Variants in HIGD2B observed in about 807,000 individuals in gnomAD.
The protein encoded by HIGD2B is HIG1 domain family member 2B.
For missense variants in HIGD2B, 106 were observed against 67.0 expected, an observed-to-expected ratio of 1.58 and a Z score of -2.03; for synonymous variants, 45 against 28.1, an observed-to-expected ratio of 1.60 and a Z score of -1.90.
chr15:72,678,169 A>G (rs1203354048), intron 2 of HIGD2B, among the ~76,000 whole-genome samples: 1 of 152,264 alleles, frequency 6.6e-6, no homozygotes, highest in African/African-American at 2.4e-5. Flanking sequence ...ATCAGAGTCC[A>G]ATAGTCACAT....
At chr15:72,685,772 G>C (rs1460480685) in intron 1 of HIGD2B, 46 bp downstream of exon 1, 3 of 271,502 alleles carry the variant, frequency 1.1e-5, no homozygotes, top group Non-Finnish European at 2.2e-5. Context: ...GATAAGGTGA[G>C]TACCTCAGTT....
In HIGD2B at chr15:72,680,116, GT is replaced by G; in HGVS notation, c.-116del. 3.5e-6 allele frequency: 1 copy of G among 282,452 alleles called. No homozygotes were observed. The allele number at this position is 282,452 out of a possible 1,614,324, so 17.5% of individuals were successfully genotyped here. A position where few individuals can be genotyped will look rare whatever the true frequency, so the allele number is the denominator to read the frequency against. Reference sequence around the variant, plus strand: ...TGGGCAAAATAGTCCATCAACCAAAGTTTAGGTTTTCTGATCTTCTTCCCAT... The same window carrying G: ...TGGGCAAAATAGTCCATCAACCAAAGTTAGGTTTTCTGATCTTCTTCCCAT... On this transcript the variant is annotated 5_prime_UTR_variant, in exon 2 of 3. It removes the in-frame stop codon of an upstream open reading frame in the 5' UTR. Transcript: ENST00000311755.
chr15:72,678,176 A>C (rs1260780295), intron 2 of HIGD2B, among the ~76,000 whole-genome samples: 1 of 152,260 alleles, frequency 6.6e-6, no homozygotes, highest in Non-Finnish European at 1.5e-5. Flanking sequence ...TCCAATAGTC[A>C]CATATTACAC....
intron 1 of HIGD2B, among the ~76,000 whole-genome samples, chr15:72,683,907 T>A (rs1387868355): frequency 2.0e-5 from 3 of 151,890 alleles, no homozygotes; most frequent in Admixed American, 2.0e-4. Context: ...TCTTTTTTTT[T>A]TTTTTTGAGA....
Position 72,685,890 on chromosome 15 carries a change from G to A in HIGD2B, c.-265C>T. On this transcript the variant is annotated 5_prime_UTR_variant, in exon 1 of 3. Coordinates refer to ENST00000311755, the MANE Select transcript of HIGD2B (RefSeq NM_001350932.3). ...TGAATTAAATGCAGATTAGAGTCAG[G>A]GCAGGGTAAGGTGGCGGGAGAACTA... The A allele has an allele frequency of 2.1e-6, 1 of 475,262 alleles. No homozygotes were observed. 29.4% of individuals were successfully genotyped at this position (475,262 alleles called of 1,614,324 possible).
At chr15:72,676,470 C>A (rs1023252903) in intron 2 of HIGD2B, 83 bp from the exon 3 acceptor site, 8 of 605,414 alleles carry the variant, frequency 1.3e-5, no homozygotes, top group South Asian at 1.0e-4. Flanking sequence ...AGTGGTGCAA[C>A]CTTGGCTCAC....
chr15:72,679,020 G>T (rs1379366641), intron 2 of HIGD2B, among the ~76,000 whole-genome samples: 1 of 104,764 alleles, frequency 9.5e-6, no homozygotes, highest in Non-Finnish European at 2.3e-5. Context: ...AGAAAAGAAA[G>T]AAAAAGAAAA....
intron 1 of HIGD2B, among the ~76,000 whole-genome samples, chr15:72,681,697 C>A (rs1489916935): frequency 6.6e-6 from 1 of 151,066 alleles, no homozygotes; most frequent in Non-Finnish European, 1.5e-5. Context: ...ACCTCCACCT[C>A]CCGGGTTCAA....
intron 2 of HIGD2B, among the ~76,000 whole-genome samples, chr15:72,676,799 G>A (rs1228467112): frequency 6.6e-6 from 1 of 152,166 alleles, no homozygotes; most frequent in Non-Finnish European, 1.5e-5. Context: ...TGGCTGCAGG[G>A]GTTAGGAATG....
intron 1 of HIGD2B, among the ~76,000 whole-genome samples, chr15:72,682,104 C>T (rs1157879075): frequency 2.0e-5 from 3 of 152,122 alleles, no homozygotes; most frequent in Non-Finnish European, 2.9e-5. Context: ...AAATACTCTT[C>T]TTATAAATCT....
chr15:72,681,281 G>C (rs1251556482), intron 1 of HIGD2B, among the ~76,000 whole-genome samples: 1 of 152,084 alleles, frequency 6.6e-6, no homozygotes, highest in African/African-American at 2.4e-5. Context: ...TAAATAAGAG[G>C]CTCCTTTTCC....
At chr15:72,685,232 G>A (rs556157867) in intron 1 of HIGD2B, among the ~76,000 whole-genome samples, 2 of 152,286 alleles carry the variant, frequency 1.3e-5, no homozygotes, top group Non-Finnish European at 2.9e-5. Context: ...GAGGCCTGGA[G>A]AAACTTGTCT....
intron 2 of HIGD2B, among the ~76,000 whole-genome samples, chr15:72,679,813 C>G (rs1261101549): frequency 1.3e-5 from 2 of 152,084 alleles, no homozygotes; most frequent in Admixed American, 1.3e-4. Context: ...TCAGAAATTT[C>G]AGAGTATAGG....
intron 1 of HIGD2B, among the ~76,000 whole-genome samples, chr15:72,685,175 G>C (rs951292052): frequency 6.6e-6 from 1 of 152,112 alleles, no homozygotes; most frequent in African/African-American, 2.4e-5. Context: ...TACCGTACTT[G>C]TTTCTTCTAT....
chr15:72,680,328 CT>C (rs2064735841), intron 1 of HIGD2B, 135 bp from the exon 2 acceptor site: 1 of 152,296 alleles, frequency 6.6e-6, no homozygotes, highest in Non-Finnish European at 1.5e-5. Flanking sequence ...AACAGATATC[CT>C]ACACATATCT....
intron 1 of HIGD2B, among the ~76,000 whole-genome samples, chr15:72,683,846 C>CA (rs1005865245): frequency 6.0e-5 from 9 of 150,008 alleles, no homozygotes; most frequent in African/African-American, 2.0e-4. Context: ...GTCCCAAAAA[C>CA]AAAAAAACTA....
Position 72,681,291 on chromosome 15 carries a change from C to G in HIGD2B, c.-192-1098G>C, listed in dbSNP as rs1192258886. Among the ~76,000 whole-genome samples the G allele has an allele frequency of 2.0e-5, 3 of 152,090 alleles. No homozygotes were observed. In the East Asian group the frequency reaches 5.8e-4, roughly 29 times the overall value. ...GAGAATAAATAAGAGGCTCCTTTTCCAGAAAATCCAGTATTGGTTTTCCTC... is the reference window on the plus strand; with the variant it reads ...GAGAATAAATAAGAGGCTCCTTTTCGAGAAAATCCAGTATTGGTTTTCCTC... On this transcript the variant is annotated intron_variant, in intron 1 of 2. Transcript: ENST00000311755.
chr15:72,682,575 C>A lies in HIGD2B; in HGVS notation c.-192-2382G>T, dbSNP rs368947932. Among the ~76,000 whole-genome samples the A allele has an allele frequency of 1.1e-4, 17 of 152,208 alleles. No individual in the cohort carries two copies. The East Asian group carries it at 2.1e-3, about 19-fold the overall frequency. On this transcript the variant is annotated intron_variant, in intron 1 of 2. Transcript: ENST00000311755. ...ACAATTAGCCAGGTGTGGTGGCTGA[C>A]GCTTGTAATCCCAGCTACTTGGGAG...
chr15:72,682,682 C>T (rs768768480), intron 1 of HIGD2B: 11 of 154,152 alleles, frequency 7.1e-5, no homozygotes, highest in East Asian at 1.9e-4. Context: ...GGTGATAGAG[C>T]GAGACTCTGT....
Sources: gnomAD v4.1 joint callset for allele counts (sites outside exome capture counted in the v4.1 genomes callset) on GRCh38, gnomAD v4.1.1 for gene constraint, MANE v1.5 for transcripts, NCBI Gene and HGNC (gene_info 2026-07-23, HGNC 2026-07-21) for gene names.